Variants in GSDMC observed in about 807,000 individuals in gnomAD.
The protein encoded by GSDMC is gasdermin C, also known as gasdermin-C.
In GSDMC, 59 loss-of-function variants were observed where a neutral mutation model predicts 58.0. That is an observed-to-expected ratio of 1.02 (90% CI 0.82 to 1.26). The LOEUF (loss-of-function observed/expected upper bound fraction) is 1.26, where lower values mean the gene tolerates loss of function less well. Ranked by LOEUF, GSDMC falls within the 50% of genes most tolerant of loss-of-function variation. The probability of loss-of-function intolerance (pLI) is 0.00; values close to 1 mark genes in which losing one functional copy is unlikely to be tolerated. For missense variants in GSDMC, 659 were observed against 598.5 expected (o/e 1.10, Z -1.06); for synonymous variants, 241 against 220.2 (o/e 1.09, Z -0.83).
At chr8:129,760,649 A>T in intron 5 of GSDMC, 60 bp from the exon 6 acceptor site, 3 of 489,954 alleles carry the variant, frequency 6.1e-6, no homozygotes, top group Non-Finnish European at 9.1e-6. Flanking sequence ...CTGAACCTAG[A>T]CCAGGGAACT....
intron 1 of GSDMC, among the ~76,000 whole-genome samples, chr8:129,784,939 G>T (rs1222876688): frequency 6.6e-6 from 1 of 152,022 alleles, no homozygotes; most frequent in Non-Finnish European, 1.5e-5. Context: ...TTGGCTGGGT[G>T]CGGTGGCTCA....
chr8:129,755,180 T>A (rs984994849), intron 6 of GSDMC, among the ~76,000 whole-genome samples: 1 of 151,916 alleles, frequency 6.6e-6, no homozygotes, highest in African/African-American at 2.4e-5. Context: ...AATCAAACTC[T>A]CAAAGATCAA....
At chr8:129,753,486 C>G (rs1041468654) in intron 6 of GSDMC, among the ~76,000 whole-genome samples, 1 of 152,186 alleles carries the variant, frequency 6.6e-6, no homozygotes, top group Non-Finnish European at 1.5e-5. Context: ...CCCTAAATAA[C>G]CAGCAGCAGT....
intron 4 of GSDMC, 63 bp from the exon 5 acceptor site, chr8:129,762,794 T>C (rs530283680): frequency 2.7e-6 from 3 of 1,118,096 alleles, no homozygotes; most frequent in Admixed American, 1.8e-5. Context: ...CAGATGGCTC[T>C]AGAAAGCTCA....
At chr8:129,715,549 C>G in the GSDMC span, among the ~76,000 whole-genome samples, 1 of 152,110 alleles carries the variant, frequency 6.6e-6, no homozygotes, top group African/African-American at 2.4e-5. Flanking sequence ...AAACTATCAA[C>G]CTAGAATTCT....
the GSDMC span, among the ~76,000 whole-genome samples, chr8:129,736,574 G>C: frequency 6.6e-6 from 1 of 152,082 alleles, no homozygotes; most frequent in African/African-American, 2.4e-5. Context: ...AAAGGCCTTC[G>C]ACAAAATTCA....
chr8:129,719,045 C>A, the GSDMC span, among the ~76,000 whole-genome samples: 1 of 151,874 alleles, frequency 6.6e-6, no homozygotes, highest in Non-Finnish European at 1.5e-5. Flanking sequence ...AGGTGGGGGG[C>A]TAGGGGAGGG....
chr8:129,712,320 G>A, the GSDMC span, among the ~76,000 whole-genome samples: 3 of 152,126 alleles, frequency 2.0e-5, no homozygotes, highest in Non-Finnish European at 4.4e-5. Flanking sequence ...GATACAGACC[G>A]ATGGATGGTC....
rs115622630 is a variant in GSDMC, at chr8:129,752,784, G to A, written c.758C>T (p.Ala253Val). The A allele has an allele frequency of 3.2e-5, 51 of 1,614,044 alleles. No homozygotes were observed. Among genetic ancestry groups the A allele is most frequent in the African/African-American group, 4.0e-5 (3 of 74,926 alleles). ...EISEMVGYCA[A>V]RSEGLLPSFH... The stretch of plus-strand genomic sequence containing the variant: ...TGATGGTAGCAACCCCTCACTCCTC[G>A]CAGCACAGTAGCCTACCATTTCGGA... The change falls in exon 7 of 14, where the codon GCG becomes GTG. Residue 253 changes from alanine (A) to valine (V), a missense_variant. By Grantham distance (64) the Ala-to-Val change is moderately conservative. Transcript: ENST00000276708.
chr8:129,777,688 A>G (rs1445176820), intron 1 of GSDMC, 97 bp from the exon 2 acceptor site: 2 of 714,516 alleles, frequency 2.8e-6, no homozygotes, highest in Non-Finnish European at 5.0e-6. Flanking sequence ...AAAGATCTAC[A>G]TATGAGATTA....
intron 10 of GSDMC, 56 bp from the exon 11 acceptor site, chr8:129,750,626 A>G (rs944438159): frequency 5.1e-6 from 8 of 1,560,444 alleles, no homozygotes; most frequent in South Asian, 4.6e-5. Flanking sequence ...TGATTAGAAC[A>G]TCCTTGGAAT....
At chr8:129,781,308 A>C (rs10956495) in intron 1 of GSDMC, among the ~76,000 whole-genome samples, 76,347 of 152,006 alleles carry the variant, frequency 0.5, 22,925 homozygotes, top group African/African-American at 0.83. Context: ...TATAAAGATA[A>C]ACATGGAATA....
chr8:129,775,178 A>T (rs1350454166), intron 3 of GSDMC, among the ~76,000 whole-genome samples: 2 of 152,228 alleles, frequency 1.3e-5, no homozygotes, highest in East Asian at 3.8e-4. Flanking sequence ...GCCTGTCAAC[A>T]GATGAATGGA....
chr8:129,779,590 C>T (rs1035250464), intron 1 of GSDMC, among the ~76,000 whole-genome samples: 7 of 151,788 alleles, frequency 4.6e-5, no homozygotes, highest in African/African-American at 1.7e-4. Flanking sequence ...CAAACCTACA[C>T]ATGTACCCCT....
intron 3 of GSDMC, among the ~76,000 whole-genome samples, chr8:129,775,351 C>T (rs1383431413): frequency 1.3e-5 from 2 of 152,042 alleles, no homozygotes; most frequent in Non-Finnish European, 2.9e-5. Context: ...TATGTGGAAC[C>T]TAAAAAAGTC....
chr8:129,767,344 C>A (rs1354164405), intron 3 of GSDMC, among the ~76,000 whole-genome samples: 1 of 152,150 alleles, frequency 6.6e-6, no homozygotes, highest in Non-Finnish European at 1.5e-5. Flanking sequence ...AGCCTCTGGC[C>A]TGGCCTGACC....
At chr8:129,768,905 C>A (rs2033956854) in intron 3 of GSDMC, among the ~76,000 whole-genome samples, 1 of 152,084 alleles carries the variant, frequency 6.6e-6, no homozygotes, top group Admixed American at 6.5e-5. Flanking sequence ...AATATTGAGA[C>A]CACATCTCTC....
chr8:129,722,558 A>G, the GSDMC span, among the ~76,000 whole-genome samples: 1 of 152,100 alleles, frequency 6.6e-6, no homozygotes, highest in African/African-American at 2.4e-5. Flanking sequence ...GAGCTACATG[A>G]GTTTTTCTCT....
chr8:129,777,653 A>T, intron 1 of GSDMC, 62 bp from the exon 2 acceptor site: 1 of 833,780 alleles, frequency 1.2e-6, no homozygotes, highest in South Asian at 1.4e-5. Flanking sequence ...AACTCTCACC[A>T]ATTATTGATA....
Sources: allele counts gnomAD v4.1 joint callset (sites outside exome capture counted in the v4.1 genomes callset), GRCh38; gene constraint gnomAD v4.1.1; transcripts MANE v1.5; gene names NCBI Gene and HGNC (gene_info 2026-07-23, HGNC 2026-07-21).